HSPH1: variants seen among roughly 807,000 people sequenced by gnomAD.
The protein encoded by HSPH1 is heat shock protein family H (Hsp110) member 1, also known as heat shock protein 105 kDa.
HSPH1 carries 40 observed loss-of-function variants against 100.0 expected under a neutral mutation model. That is an observed-to-expected ratio of 0.40 (90% CI 0.31 to 0.52). HSPH1 has a LOEUF of 0.52. Ranked by LOEUF, HSPH1 falls within the 20% of genes least tolerant of loss-of-function variation. The pLI, the probability that HSPH1 is intolerant of heterozygous loss-of-function variation, is 0.54. For synonymous variants in HSPH1, 403 were observed against 344.0 expected (o/e 1.17, Z -1.90); for missense variants, 876 against 1,015.1 (o/e 0.86, Z 1.86).
At chr13:31,149,604 A>G (rs1225267778) in intron 8 of HSPH1, among the ~76,000 whole-genome samples, 1 of 152,098 alleles carries the variant, frequency 6.6e-6, no homozygotes, top group Non-Finnish European at 1.5e-5. Flanking sequence ...CCCTAAATCA[A>G]TTCCTTATTA....
In HSPH1 at chr13:31,148,086, A is replaced by G; in HGVS notation, c.1251T>C (p.His417=). ...NHDSEDTEGV[H]EVFSRNHAAP... ...CAGCATGGTTTCGACTAAAGACTTC[A>G]TGAACACTAGAGAGAAAAGAAAAAG... The change falls in exon 10 of 18, where the codon CAT becomes CAC. Residue 417 remains histidine, a synonymous_variant. Transcript: ENST00000320027. 6.2e-7 allele frequency: 1 copy of G among 1,607,732 alleles called. No homozygotes were observed. Among genetic ancestry groups the G allele is most frequent in the Non-Finnish European group, 8.5e-7 (1 of 1,178,086 alleles).
At chr13:31,154,511 A>G in intron 4 of HSPH1, 122 bp downstream of exon 4, 1 of 1,104,746 alleles carries the variant, frequency 9.1e-7, no homozygotes, top group Non-Finnish European at 1.4e-6. Context: ...ACATGTTAAT[A>G]CAGTCCAGTA....
In HSPH1 at chr13:31,149,965, A is replaced by C. The variant is rs1956422976; in HGVS notation, c.1126T>G (p.Cys376Gly). The C allele has an allele frequency of 1.2e-6, 2 of 1,613,376 alleles. No individual in the cohort carries two copies. Among genetic ancestry groups the C allele is most frequent in the East Asian group, 4.5e-5 (2 of 44,884 alleles). ...LNADEAVARG[C>G]ALQCAILSPA... is the part of the protein sequence containing the mutation. ...AGTTGAGAAAGTACCTGTAATGCAC[A>C]TCCTCTGGCTACTGCTTCATCTGCA... The change falls in exon 8 of 18, where the codon TGT becomes GGT. Residue 376 changes from cysteine to glycine, a missense_variant. Physicochemically the swap from Cys to Gly is radical, Grantham distance 159 (BLOSUM62 -3). Transcript: ENST00000320027.
At chr13:31,149,379 T>A (rs113846570) in intron 8 of HSPH1, among the ~76,000 whole-genome samples, 1 of 152,160 alleles carries the variant, frequency 6.6e-6, no homozygotes, top group African/African-American at 2.4e-5. Context: ...TTTAAAACTA[T>A]ATTTAGATCT....
intron 11 of HSPH1, 140 bp downstream of exon 11, chr13:31,145,423 C>T (rs1593190012): frequency 2.3e-5 from 15 of 650,748 alleles, no homozygotes; most frequent in South Asian, 1.9e-4. Context: ...AACCGGCAAG[C>T]GCTATTATCA....
chr13:31,146,316 A>G (rs893405770), intron 10 of HSPH1, among the ~76,000 whole-genome samples: 2 of 152,170 alleles, frequency 1.3e-5, no homozygotes, highest in Non-Finnish European at 2.9e-5. Context: ...AATTAATCTT[A>G]GCATGCCATA....
chr13:31,140,743 C>G (rs1276618991), intron 13 of HSPH1: 1 of 173,600 alleles, frequency 5.8e-6, no homozygotes, highest in Non-Finnish European at 1.2e-5. Context: ...ACGATGTTCC[C>G]ACCTCAGTAT....
chr13:31,156,775 A>C (rs1956714083), intron 2 of HSPH1, among the ~76,000 whole-genome samples: 1 of 152,246 alleles, frequency 6.6e-6, no homozygotes, highest in Non-Finnish European at 1.5e-5. Context: ...GCGTATTCTG[A>C]AGACTTGAGA....
intron 4 of HSPH1, 151 bp downstream of exon 4, chr13:31,154,482 C>T: frequency 1.1e-6 from 1 of 878,870 alleles, no homozygotes; most frequent in South Asian, 1.5e-5. Context: ...CTCAAATCTA[C>T]TTTGTAATGC....
chr13:31,148,146 C>G, intron 9 of HSPH1, 54 bp from the exon 10 acceptor site: 4 of 1,513,520 alleles, frequency 2.6e-6, no homozygotes, highest in Non-Finnish European at 3.6e-6. Context: ...AATATGCTTA[C>G]TGTGCTACAC....
intron 10 of HSPH1, among the ~76,000 whole-genome samples, chr13:31,147,675 A>G (rs1016690185): frequency 2.0e-5 from 3 of 152,112 alleles, no homozygotes; most frequent in Non-Finnish European, 4.4e-5. Context: ...CAGAACAGTG[A>G]AAATATTAAA....
chr13:31,162,084 G>T (rs1490147383), upstream of HSPH1: 2 of 1,536,120 alleles, frequency 1.3e-6, no homozygotes, highest in Non-Finnish European at 1.7e-6. Flanking sequence ...GAGAACGGCC[G>T]CCGTTGCCAT....
intron 12 of HSPH1, among the ~76,000 whole-genome samples, 160 bp downstream of exon 12, chr13:31,143,632 A>G (rs924013381): frequency 6.6e-6 from 1 of 152,164 alleles, no homozygotes; most frequent in African/African-American, 2.4e-5. Flanking sequence ...GAATACCTCT[A>G]ACTGGTTTTA....
chr13:31,150,649 T>G (rs964036398), intron 7 of HSPH1, among the ~76,000 whole-genome samples: 1 of 152,160 alleles, frequency 6.6e-6, no homozygotes, highest in Non-Finnish European at 1.5e-5. Context: ...CTGCACAGTA[T>G]CTCTGTGAAA....
In HSPH1 at chr13:31,140,303, T is replaced by C; in HGVS notation, c.1861A>G (p.Met621Val). 6.2e-7 allele frequency: 1 copy of C among 1,609,188 alleles called. No homozygotes were observed. Among genetic ancestry groups the C allele is most frequent in the Non-Finnish European group, 8.5e-7 (1 of 1,177,968 alleles). The change falls in exon 14 of 18, where the codon ATG (methionine) becomes GTG (valine). Residue 621 changes from methionine (M) to valine (V), a missense_variant. Transcript: ENST00000320027. ...TTTTCCAATTTATCTTGCATTATCA[T>C]CTTACCCTGTCAGGAAACAGGAAAG... ...LNMYIETEGK[M>V]IMQDKLEKER...
chr13:31,145,861 T>C, intron 10 of HSPH1, 93 bp from the exon 11 acceptor site: 1 of 1,174,904 alleles, frequency 8.5e-7, no homozygotes, highest in South Asian at 1.4e-5. Context: ...GGTTCATGTC[T>C]GTAATCCCAG....
intron 1 of HSPH1, among the ~76,000 whole-genome samples, chr13:31,159,186 T>G (rs1177706015): frequency 6.6e-6 from 1 of 152,214 alleles, no homozygotes; most frequent in Admixed American, 6.5e-5. Context: ...AATTTGACCC[T>G]ACACACGACT....
Position 31,148,416 on chromosome 13 carries a change from G to C in HSPH1, c.1202C>G (p.Pro401Arg). 1 of 1,587,924 alleles carries C rather than the reference G, an allele frequency of 6.3e-7. No individual in the cohort carries two copies. Among genetic ancestry groups the C allele is most frequent in the Non-Finnish European group, 8.6e-7 (1 of 1,168,576 alleles). The change falls in exon 9 of 18, where the codon CCA (proline) becomes CGA (arginine). Residue 401 changes from proline (P) to arginine (R), a missense_variant. Physicochemically the swap from Pro to Arg is moderately radical, Grantham distance 103. Transcript: ENST00000320027. ...ATCATGGTTCCAGATCAGAGATATT[G>C]GAAAAGGAACTGCATCTGTGACGGA... ...EFSVTDAVPF[P>R]ISLIWNHDSE...
At position 31,148,511 on chromosome 13, in the gene HSPH1, A is replaced by C. The variant is rs752821293; in HGVS notation, c.1138-31T>G. ...AAAAAAAAAAAAAAATCATGAGCAC[A>C]TGAACACTTCCCAGTCATCTTTTAA... On this transcript the variant is annotated intron_variant, in intron 8 of 17. Transcript: ENST00000320027. The C allele has an allele frequency of 3.4e-6, 3 of 883,068 alleles. No homozygotes were observed. In the East Asian group the frequency reaches 9.5e-5, roughly 28 times the overall value. The allele number at this position is 883,068 out of a possible 1,614,324, so 54.7% of individuals were successfully genotyped here.
Sources: gnomAD v4.1 joint callset for allele counts (sites outside exome capture counted in the v4.1 genomes callset) on GRCh38, gnomAD v4.1.1 for gene constraint, MANE v1.5 for transcripts, NCBI Gene and HGNC (gene_info 2026-07-23, HGNC 2026-07-21) for gene names.